CATSPERE: variants seen among roughly 807,000 people sequenced by gnomAD.
CATSPERE encodes catsper channel auxiliary subunit epsilon.
Under a neutral mutation model 114.1 loss-of-function variants are expected in CATSPERE, and 93 were observed. The observed-to-expected ratio is 0.81, with a 90% confidence interval of 0.69 to 0.97. The LOEUF (loss-of-function observed/expected upper bound fraction) is 0.97. CATSPERE is among the 50% of genes least tolerant of loss of function. The pLI is 0.00. For missense variants in CATSPERE, 1,058 were observed against 1,131.6 expected, an observed-to-expected ratio of 0.93 and a Z score of 0.93; for synonymous variants, 341 against 384.1, an observed-to-expected ratio of 0.89 and a Z score of 1.31.
At chr1:244,555,874 A>C (rs1661497111) in intron 9 of CATSPERE, among the ~76,000 whole-genome samples, 1 of 152,180 alleles carries the variant, frequency 6.6e-6, no homozygotes, top group South Asian at 2.1e-4. Flanking sequence ...AAGGATGTGA[A>C]AGATCTCTGC....
rs748553799 is a variant in CATSPERE at position 244,518,623 on chromosome 1, C to T, written c.461C>T (p.Thr154Ile). Residue 154 changes from threonine (T) to isoleucine (I), a missense_variant, in exon 8 of 22, where the codon ACA (threonine) becomes ATA (isoleucine). Physicochemically the swap from Thr to Ile is moderately conservative, Grantham distance 89 (BLOSUM62 -1). Coordinates refer to ENST00000366534, the MANE Select transcript of CATSPERE (RefSeq NM_001130957.2). The part of the protein sequence containing the change: ...NSIVLSTQMA[T>I]LGQKPVIHTV... ...ATAGTACTCAGCACACAGATGGCCA[C>T]ATTGGGACAGAAGCCTGTCATACAT... 5.6e-6 allele frequency: 9 copies of T among 1,599,934 alleles called. No homozygotes were observed. Among genetic ancestry groups the T allele is most frequent in the South Asian group, 3.3e-5 (3 of 89,738 alleles).
In CATSPERE at chr1:244,464,961, G is replaced by GAA. The variant is rs11428659; in HGVS notation, c.114+1016_114+1017dup. On this transcript the variant is annotated intron_variant, in intron 2 of 21. Transcript: ENST00000366534. ...TAACTTTGTTCATGGATACTTTACTGAAAAAAAAAAAAGCTGAATTTTGAT... is the reference window on the plus strand; with the variant it reads ...TAACTTTGTTCATGGATACTTTACTGAAAAAAAAAAAAAAGCTGAATTTTGAT... Among the ~76,000 whole-genome samples the GAA allele has an allele frequency of 5.2e-4, 74 of 142,918 alleles. 2 individuals are homozygous for GAA. The highest frequency in any genetic ancestry group is 3.2e-3 in the East Asian group (16 of 4,986). 93.8% of individuals were successfully genotyped at this position (142,918 alleles called of 152,430 possible).
chr1:244,630,091 C>A (rs1242479844), intron 20 of CATSPERE, among the ~76,000 whole-genome samples: 2 of 152,104 alleles, frequency 1.3e-5, no homozygotes, highest in African/African-American at 4.8e-5. Flanking sequence ...TGGATGTGGT[C>A]CTGAAGCAAG....
intron 8 of CATSPERE, among the ~76,000 whole-genome samples, chr1:244,524,574 T>C (rs182995973): frequency 1.3e-5 from 2 of 151,642 alleles, no homozygotes; most frequent in Admixed American, 1.3e-4. Flanking sequence ...TGAGAAAATT[T>C]TCACAACCTA....
intron 1 of CATSPERE, 148 bp from the exon 2 acceptor site, chr1:244,463,760 A>G (rs563533648): frequency 3.1e-5 from 21 of 683,324 alleles, no homozygotes; most frequent in African/African-American, 2.0e-4. Flanking sequence ...GATAGCCCCA[A>G]TTTTAGCCCT....
At chr1:244,610,046 A>G in intron 18 of CATSPERE, among the ~76,000 whole-genome samples, 194 bp from the exon 19 acceptor site, 1 of 152,150 alleles carries the variant, frequency 6.6e-6, no homozygotes, top group Admixed American at 6.5e-5. Flanking sequence ...CTCTGTCTCA[A>G]AAAAAAATTC....
intron 10 of CATSPERE, among the ~76,000 whole-genome samples, chr1:244,561,458 C>T (rs1201944297): frequency 6.6e-6 from 1 of 151,994 alleles, no homozygotes; most frequent in African/African-American, 2.4e-5. Context: ...TGTTACGTTT[C>T]CTGGGGCTCC....
intron 19 of CATSPERE, among the ~76,000 whole-genome samples, chr1:244,616,989 G>A (rs1671479824): frequency 6.6e-6 from 1 of 152,214 alleles, no homozygotes; most frequent in South Asian, 2.1e-4. Flanking sequence ...GTATCTGCCA[G>A]TTTTAATAAT....
chr1:244,617,610 G>A lies in CATSPERE; in HGVS notation c.2572G>A (p.Gly858Ser). 1 of 1,543,280 alleles carries A rather than the reference G, an allele frequency of 6.5e-7. No individual in the cohort carries two copies. Among genetic ancestry groups the A allele is most frequent in the Non-Finnish European group, 8.7e-7 (1 of 1,144,674 alleles). Residue 858 changes from glycine (G) to serine (S), a missense_variant, in exon 20 of 22, where the codon GGT becomes AGT. Physicochemically the swap from Gly to Ser is moderately conservative, Grantham distance 56. Coordinates refer to ENST00000366534, the MANE Select transcript of CATSPERE (RefSeq NM_001130957.2). ...ATACGAGATTATCAACAGTTCTAATGGTAACCATATATTTTGGCCCATGGG... is the reference window on the plus strand; with the variant it reads ...ATACGAGATTATCAACAGTTCTAATAGTAACCATATATTTTGGCCCATGGG... ...QPYEIINSSN[G>S]NHIFWPMGHS... is the part of the protein sequence containing the mutation.
chr1:244,485,810 C>T (rs544143865), intron 5 of CATSPERE, among the ~76,000 whole-genome samples: 70 of 151,698 alleles, frequency 4.6e-4, no homozygotes, highest in African/African-American at 1.7e-3. Context: ...ACTCCTCCCA[C>T]CTCTACCTCC....
In CATSPERE at chr1:244,585,245, G is replaced by A. The variant is rs139337769; in HGVS notation, c.2085+1306G>A. On this transcript the variant is annotated intron_variant, in intron 13 of 21. Transcript: ENST00000366534. ...GAAAATGTACCATCTATCTTATGGG[G>A]TTGTTGAGAGTATTAAATGAGATTA... Among the ~76,000 whole-genome samples, 232 of 152,302 alleles carry A rather than the reference G, an allele frequency of 1.5e-3. 1 individual carries two copies. Among genetic ancestry groups the A allele is most frequent in the African/African-American group, 5.2e-3 (218 of 41,564 alleles).
At chr1:244,572,158 G>T (rs966691669) in intron 10 of CATSPERE, among the ~76,000 whole-genome samples, 172 bp from the exon 11 acceptor site, 5 of 152,178 alleles carry the variant, frequency 3.3e-5, no homozygotes, top group African/African-American at 1.2e-4. Context: ...TGGCAGAGAA[G>T]TTCCCCAATA....
chr1:244,586,098 T>G (rs940953366), intron 13 of CATSPERE, among the ~76,000 whole-genome samples: 8 of 152,204 alleles, frequency 5.3e-5, no homozygotes, highest in Non-Finnish European at 8.8e-5. Context: ...GGAGAAGTGT[T>G]GTCATTTAGG....
At chr1:244,581,742 A>C in intron 11 of CATSPERE, 54 bp from the exon 12 acceptor site, 1 of 784,700 alleles carries the variant, frequency 1.3e-6, no homozygotes. Context: ...CTAAAGTGGG[A>C]TCACCACCCC....
At chr1:244,451,525 C>G, upstream of CATSPERE, 49 of 1,169,132 alleles carry the variant, frequency 4.2e-5, no homozygotes, top group Non-Finnish European at 5.0e-5. The surrounding 1 kb of genome is among the most constrained non-coding windows in gnomAD (Gnocchi z 6.6). Context: ...CAAGGTGACA[C>G]CTCATTTTGG....
upstream of CATSPERE, among the ~76,000 whole-genome samples, chr1:244,452,564 C>T (rs915420966): frequency 2.0e-5 from 3 of 152,168 alleles, no homozygotes; most frequent in East Asian, 1.9e-4. Context: ...AGTCCTAATC[C>T]TCATTTTACA....
At chr1:244,528,360 C>T (rs1395966211) in intron 8 of CATSPERE, among the ~76,000 whole-genome samples, 4 of 152,056 alleles carry the variant, frequency 2.6e-5, no homozygotes, top group Non-Finnish European at 4.4e-5. Flanking sequence ...ATGAATGAAT[C>T]TCACAAGCAT....
chr1:244,605,097 G>A (rs749260948), intron 17 of CATSPERE, among the ~76,000 whole-genome samples: 3 of 152,184 alleles, frequency 2.0e-5, no homozygotes, highest in Non-Finnish European at 4.4e-5. Context: ...GATCCTTCCA[G>A]ACTCAGCCAC....
At position 244,524,179 on chromosome 1, in the gene CATSPERE, C is replaced by T. The variant is rs1408052811; in HGVS notation, c.536+5481C>T. ...AACAGAACAGAGCCCTCAGAAATAA[C>T]GCTTCATATCTACAACCATCTGATC... On this transcript the variant is annotated intron_variant, in intron 8 of 21. Transcript: ENST00000366534. 5.0e-3 allele frequency among the ~76,000 whole-genome samples: 730 copies of T among 145,388 alleles called. 29 individuals are homozygous for T. Among genetic ancestry groups the T allele is most frequent in the African/African-American group, 0.013 (470 of 35,918 alleles).
Sources: gnomAD v4.1 joint callset for allele counts (sites outside exome capture counted in the v4.1 genomes callset) on GRCh38, gnomAD v4.1.1 for gene constraint, Gnocchi (gnomAD v3.1) non-coding constraint, MANE v1.5 for transcripts, NCBI Gene and HGNC (gene_info 2026-07-23, HGNC 2026-07-21) for gene names.